RTL1: variants seen among roughly 807,000 people sequenced by gnomAD.
RTL1 encodes retrotransposon-like protein 1.
For synonymous variants in RTL1, 727 were observed against 748.4 expected, an observed-to-expected ratio of 0.97 and a Z score of 0.47; for missense variants, 1,681 against 1,767.5, an observed-to-expected ratio of 0.95 and a Z score of 0.88.
rs771702838 is a variant in RTL1 at position 100,884,290 on chromosome 14, C to T, written c.499G>A (p.Val167Met). ...AAGTACAGCGAGATGATGGACCTCACCATGGCCATAAGTTCTGCGGTTGAG... is the reference window on the plus strand; with the variant it reads ...AAGTACAGCGAGATGATGGACCTCATCATGGCCATAAGTTCTGCGGTTGAG... Reference protein sequence around the residue: ...EHSTAELMAMVRSIISLYFRM... With the variant: ...EHSTAELMAMMRSIISLYFRM... Residue 167 changes from valine to methionine, a missense_variant, in exon 4 of 4, where the codon GTG (valine) becomes ATG (methionine). Val to Met is a conservative substitution (Grantham distance 21, BLOSUM62 1). Coordinates refer to ENST00000649591, the MANE Select transcript of RTL1 (RefSeq NM_001134888.3). 100 of 1,551,692 alleles carry T rather than the reference C, an allele frequency of 6.4e-5. No individual in the cohort carries two copies. The highest frequency in any genetic ancestry group is 8.2e-5 in the Non-Finnish European group (94 of 1,147,016).
chr14:100,888,856 A>T (rs1218221799), intron 3 of RTL1, among the ~76,000 whole-genome samples: 1 of 152,204 alleles, frequency 6.6e-6, no homozygotes, highest in East Asian at 1.9e-4. Context: ...TGGTGTCAAC[A>T]TTAATCACAC....
At position 100,879,977 on chromosome 14, in the gene RTL1, C is replaced by T. The variant is rs67585357; in HGVS notation, c.*735G>A. 0.16 allele frequency among the ~76,000 whole-genome samples: 23,522 copies of T among 151,572 alleles called. 2,169 individuals carry two copies. Among genetic ancestry groups the T allele is most frequent in the East Asian group, 0.31 (1,564 of 5,082 alleles). On this transcript the variant is annotated 3_prime_UTR_variant, in exon 4 of 4. Transcript: ENST00000649591. ...AGTGTTCAGTGTTGGGAGGGAAAGGCGCCCCAAGGCATGCAGGGGCCCTCT... is the reference window on the plus strand; with the variant it reads ...AGTGTTCAGTGTTGGGAGGGAAAGGTGCCCCAAGGCATGCAGGGGCCCTCT...
At position 100,881,082 on chromosome 14, in the gene RTL1, A is replaced by G; in HGVS notation, c.3707T>C (p.Leu1236Pro). The change falls in exon 4 of 4, where the codon CTG becomes CCG. Residue 1236 changes from leucine to proline, a missense_variant. Coordinates refer to ENST00000649591, the MANE Select transcript of RTL1 (RefSeq NM_001134888.3). This position sits in a 1 kb window ranked among gnomAD's most constrained non-coding sequence, Gnocchi z 6.6. ...ACGGTAACGTTGCAGGTCGTCTTGCAGGGCTTCTCGCAAGACGACATCCTC... is the reference window on the plus strand; with the variant it reads ...ACGGTAACGTTGCAGGTCGTCTTGCGGGGCTTCTCGCAAGACGACATCCTC... ...GDEDVVLREA[L>P]QDDLQRYRQC... is the part of the protein sequence containing the mutation. 1 of 1,599,692 alleles carries G rather than the reference A, an allele frequency of 6.3e-7. No individual in the cohort carries two copies. Among genetic ancestry groups the G allele is most frequent in the Non-Finnish European group, 8.5e-7 (1 of 1,173,328 alleles).
chr14:100,888,728 CAAATTCCTTG>C (rs541971049), intron 3 of RTL1, among the ~76,000 whole-genome samples: 23 of 152,300 alleles, frequency 1.5e-4, no homozygotes, highest in African/African-American at 5.5e-4. Context: ...TTGGCTAAAT[CAAATTCCTTG>C]GCATATGCAA....
chr14:100,894,766 A>G (rs2038831646), intron 2 of RTL1: 1 of 152,260 alleles, frequency 6.6e-6, no homozygotes, highest in African/African-American at 2.4e-5. Context: ...GGACCAAATC[A>G]AAAGGTCTGA....
chr14:100,890,507 G>T (rs1267330607), intron 3 of RTL1, among the ~76,000 whole-genome samples: 1 of 151,594 alleles, frequency 6.6e-6, no homozygotes, highest in Non-Finnish European at 1.5e-5. Flanking sequence ...AGGGTGGGAG[G>T]CTGGGGGCTG....
At chr14:100,888,845 T>C (rs2038729209) in intron 3 of RTL1, among the ~76,000 whole-genome samples, 1 of 152,200 alleles carries the variant, frequency 6.6e-6, no homozygotes, top group African/African-American at 2.4e-5. Context: ...TCTTTCAACT[T>C]TGGTGTCAAC....
chr14:100,890,820 C>CTGGCCTGCTG (rs2038765706), intron 3 of RTL1, among the ~76,000 whole-genome samples: 3 of 152,186 alleles, frequency 2.0e-5, no homozygotes, highest in Admixed American at 1.3e-4. Flanking sequence ...CCTCTGCTGC[C>CTGGCCTGCTG]TGGCCTGCTG....
In RTL1 at chr14:100,882,934, C is replaced by T. The variant is rs747089115; in HGVS notation, c.1855G>A (p.Val619Met). The change falls in exon 4 of 4, where the codon GTG (valine) becomes ATG (methionine). Residue 619 changes from valine (V) to methionine (M), a missense_variant. Coordinates refer to ENST00000649591, the MANE Select transcript of RTL1 (RefSeq NM_001134888.3). ...ECPSTAPWEP[V>M]GARMQERARL... is the part of the protein sequence containing the mutation. ...GCTCTTTCTTGCATCCTGGCACCCA[C>T]AGGTTCCCAAGGCGCGGTGGAGGGA... 6.2e-7 allele frequency: 1 copy of T among 1,612,172 alleles called. No individual in the cohort carries two copies. Among genetic ancestry groups the T allele is most frequent in the South Asian group, 1.1e-5 (1 of 90,532 alleles).
chr14:100,891,833 C>A (rs1056968087), intron 3 of RTL1, among the ~76,000 whole-genome samples: 3 of 152,130 alleles, frequency 2.0e-5, no homozygotes, highest in Non-Finnish European at 2.9e-5. Flanking sequence ...TCTCCCAGGT[C>A]CTCAGTTTCC....
rs2038663084 is a variant in RTL1 at position 100,884,164 on chromosome 14, C to T, written c.625G>A (p.Asp209Asn). The change falls in exon 4 of 4, where the codon GAT becomes AAT. Residue 209 changes from aspartate to asparagine, a missense_variant. By Grantham distance (23) the Asp-to-Asn change is conservative. Coordinates refer to ENST00000649591, the MANE Select transcript of RTL1 (RefSeq NM_001134888.3). ...QLPAPKHFSG[D>N]RREFHEFIVL... ...ATGAACTCGTGGAATTCTCTGCGAT[C>T]GCCAGAGAAGTGCTTTGGGGCGGGC... The T allele has an allele frequency of 3.2e-6, 5 of 1,551,702 alleles. No homozygotes were observed. The highest frequency in any genetic ancestry group is 4.4e-6 in the Non-Finnish European group (5 of 1,146,962).
At chr14:100,892,342 T>G (rs2038792342) in intron 3 of RTL1, among the ~76,000 whole-genome samples, 1 of 152,186 alleles carries the variant, frequency 6.6e-6, no homozygotes, top group Non-Finnish European at 1.5e-5. Flanking sequence ...GATGAGAGGC[T>G]GGCTAACCTT....
chr14:100,898,303 G>C (rs1487972943), intron 2 of RTL1, among the ~76,000 whole-genome samples: 1 of 152,196 alleles, frequency 6.6e-6, no homozygotes, highest in Non-Finnish European at 1.5e-5. Context: ...CGATAAAAAA[G>C]ATCTAAGCTG....
rs1267428618 is a variant in RTL1, at chr14:100,881,547, C to T, written c.3242G>A (p.Arg1081Gln). The T allele has an allele frequency of 3.9e-6, 6 of 1,551,572 alleles. No individual in the cohort carries two copies. The highest frequency in any genetic ancestry group is 2.7e-5 in the African/African-American group (2 of 73,040). ...GGTGTTCTTCCAGTACAGGAGGCCT[C>T]GGAAGAAGTGCAGAATGACGGCCCT... ...QIRAVILHFF[R>Q]GLLYWKNTLA... Residue 1081 changes from arginine to glutamine, a missense_variant, in exon 4 of 4, where the codon CGA becomes CAA. Arg to Gln is a conservative substitution (Grantham distance 43). Transcript: ENST00000649591. The surrounding 1 kb of genome is among the most constrained non-coding windows in gnomAD (Gnocchi z 6.6).
intron 3 of RTL1, among the ~76,000 whole-genome samples, chr14:100,889,985 T>A (rs1344628110): frequency 6.6e-6 from 1 of 151,394 alleles, no homozygotes; most frequent in Non-Finnish European, 1.5e-5. Context: ...TTCTCAGTCC[T>A]TCAGCTGTGG....
At chr14:100,896,847 C>T (rs370288136) in intron 2 of RTL1, among the ~76,000 whole-genome samples, 128 of 152,294 alleles carry the variant, frequency 8.4e-4, no homozygotes, top group Middle Eastern at 3.4e-3. Context: ...GCTGCGAACG[C>T]GAGCCGCCGG....
Position 100,880,357 on chromosome 14 carries a change from C to A in RTL1, c.*355G>T, listed in dbSNP as rs530627197. On this transcript the variant is annotated 3_prime_UTR_variant, in exon 4 of 4. Transcript: ENST00000649591. ...GCCCCGTCACCTGCTTGCTTGGCTG[C>A]GCCTGCTGTGCCTGCTTCTTCATCT... Among the ~76,000 whole-genome samples, 2 of 152,098 alleles carry A rather than the reference C, an allele frequency of 1.3e-5. No individual in the cohort carries two copies. The highest frequency in any genetic ancestry group is 2.9e-5 in the Non-Finnish European group (2 of 68,014).
chr14:100,894,155 C>A (rs1160670630), intron 2 of RTL1, among the ~76,000 whole-genome samples: 1 of 151,730 alleles, frequency 6.6e-6, no homozygotes, highest in Non-Finnish European at 1.5e-5. Context: ...ACTAAAAATA[C>A]AAAAATTAGC....
At chr14:100,890,363 C>T (rs899879807) in intron 3 of RTL1, among the ~76,000 whole-genome samples, 2 of 150,824 alleles carry the variant, frequency 1.3e-5, no homozygotes, top group Non-Finnish European at 2.9e-5. Context: ...TGTCAGCTCG[C>T]CTGTACAGTA....
Sources: allele counts gnomAD v4.1 joint callset (sites outside exome capture counted in the v4.1 genomes callset), GRCh38; gene constraint gnomAD v4.1.1; non-coding constraint Gnocchi (gnomAD v3.1); transcripts MANE v1.5; gene names NCBI Gene and HGNC (gene_info 2026-07-23, HGNC 2026-07-21).